Variants in OGDH observed in about 807,000 individuals in gnomAD.
OGDH encodes the protein oxoglutarate dehydrogenase.
In OGDH, 38 loss-of-function variants were observed where a neutral mutation model predicts 116.6. The observed-to-expected ratio is 0.33, with a 90% CI of 0.25 to 0.43. The LOEUF is 0.43. OGDH is among the 20% of genes least tolerant of loss of function. The pLI is 1.00. For synonymous variants in OGDH, 488 were observed against 533.3 expected (o/e 0.92, Z 1.17); for missense variants, 825 against 1,357.2 (o/e 0.61, Z 6.16).
At chr7:44,609,457 C>T (rs1032166638) in intron 1 of OGDH, among the ~76,000 whole-genome samples, 4 of 150,878 alleles carry the variant, frequency 2.7e-5, no homozygotes, top group African/African-American at 9.7e-5. Flanking sequence ...CTGCGGTGAG[C>T]CGAGATCGCG....
At chr7:44,696,669 T>C (rs1788595431) in intron 14 of OGDH, 112 bp downstream of exon 14, 3 of 1,466,636 alleles carry the variant, frequency 2.0e-6, no homozygotes, top group Non-Finnish European at 2.8e-6. Context: ...AGAGACTCCC[T>C]TCCTGCCCTG....
At chr7:44,654,135 A>T (rs1786581378) in intron 4 of OGDH, among the ~76,000 whole-genome samples, 1 of 152,246 alleles carries the variant, frequency 6.6e-6, no homozygotes, top group Non-Finnish European at 1.5e-5. Flanking sequence ...GATTATAGGC[A>T]TGAGCCACCA....
intron 10 of OGDH, among the ~76,000 whole-genome samples, chr7:44,692,006 GTT>G (rs1788386675): frequency 9.1e-6 from 1 of 109,618 alleles, no homozygotes. Flanking sequence ...AAAAAAAAAA[GTT>G]TGATATCCTG....
intron 5 of OGDH, 151 bp from the exon 6 acceptor site, chr7:44,673,636 C>A: frequency 1.3e-6 from 1 of 758,724 alleles, no homozygotes; most frequent in Admixed American, 2.3e-5. Flanking sequence ...GGCACCCACT[C>A]CATCCCATCC....
intron 9 of OGDH, among the ~76,000 whole-genome samples, chr7:44,679,827 A>G (rs1287003753): frequency 6.6e-6 from 1 of 152,206 alleles, no homozygotes; most frequent in Non-Finnish European, 1.5e-5. Flanking sequence ...CAGCCTTCAC[A>G]CTTAAGCTGC....
Position 44,707,604 on chromosome 7 carries a change from T to C in OGDH, c.2819T>C (p.Leu940Pro). Reference protein sequence around the residue: ...IEQLSPFPFDLLLKEVQKYPN... With the variant: ...IEQLSPFPFDPLLKEVQKYPN... ...TAGCTGTCGCCATTCCCCTTTGACCTCCTGCTGAAGGAGGTGCAGAAGTAC... is the reference window on the plus strand; with the variant it reads ...TAGCTGTCGCCATTCCCCTTTGACCCCCTGCTGAAGGAGGTGCAGAAGTAC... The change falls in exon 22 of 23, where the codon CTC becomes CCC. Residue 940 changes from leucine to proline, a missense_variant. Physicochemically the swap from Leu to Pro is moderately conservative, Grantham distance 98 (BLOSUM62 -3). Transcript: ENST00000222673. This position sits in a 1 kb window ranked among gnomAD's most constrained non-coding sequence, Gnocchi z 5.2. 6.2e-7 allele frequency: 1 copy of C among 1,614,024 alleles called. No individual in the cohort carries two copies. Among genetic ancestry groups the C allele is most frequent in the South Asian group, 1.1e-5 (1 of 91,080 alleles).
intron 9 of OGDH, among the ~76,000 whole-genome samples, chr7:44,679,198 G>T (rs1186032778): frequency 1.3e-5 from 2 of 152,190 alleles, no homozygotes; most frequent in African/African-American, 4.8e-5. Flanking sequence ...GACTACAGGT[G>T]CCCTGTCAGC....
Position 44,707,620 on chromosome 7 carries a change from G to A in OGDH, c.2835G>A (p.Val945=), listed in dbSNP as rs754851336. Reference sequence around the variant, plus strand: ...CCTTTGACCTCCTGCTGAAGGAGGTGCAGAAGTACCCCAATGCTGAGCTGG... The same window carrying A: ...CCTTTGACCTCCTGCTGAAGGAGGTACAGAAGTACCCCAATGCTGAGCTGG... ...PFPFDLLLKE[V]QKYPNAELAW... Residue 945 remains valine (V), a synonymous_variant, in exon 22 of 23, where the codon GTG becomes GTA. Transcript: ENST00000222673. The surrounding 1 kb of genome is among the most constrained non-coding windows in gnomAD (Gnocchi z 5.2). The A allele has an allele frequency of 1.2e-6, 2 of 1,614,140 alleles. No homozygotes were observed. The highest frequency in any genetic ancestry group is 1.7e-6 in the Non-Finnish European group (2 of 1,180,034).
chr7:44,700,379 C>T, intron 19 of OGDH, 110 bp downstream of exon 19: 1 of 1,395,202 alleles, frequency 7.2e-7, no homozygotes, highest in Non-Finnish European at 9.8e-7. Context: ...TGGGCACCTG[C>T]AGGGGTAGTG....
chr7:44,681,725 G>A lies in OGDH; in HGVS notation c.1212G>A (p.Met404Ile). 1.9e-6 allele frequency: 3 copies of A among 1,614,112 alleles called. No individual in the cohort carries two copies. The highest frequency in any genetic ancestry group is 2.5e-6 in the Non-Finnish European group (3 of 1,179,982). Residue 404 changes from methionine to isoleucine, a missense_variant, in exon 10 of 23, where the codon ATG (methionine) becomes ATA (isoleucine). Physicochemically the swap from Met to Ile is conservative, Grantham distance 10 (BLOSUM62 1). Transcript: ENST00000222673. ...YCGDTEGKKV[M>I]SILLHGDAAF... ...GTCTCCTTTGGTGTTTACAGGTCAT[G>A]TCCATCCTGTTGCATGGGGATGCTG...
At chr7:44,652,182 C>T (rs1384422296) in intron 4 of OGDH, among the ~76,000 whole-genome samples, 2 of 151,264 alleles carry the variant, frequency 1.3e-5, no homozygotes, top group African/African-American at 4.9e-5. Context: ...GACCTCATTT[C>T]ACTGCAATCT....
intron 4 of OGDH, among the ~76,000 whole-genome samples, chr7:44,659,134 G>A (rs530200733): frequency 5.9e-5 from 9 of 152,150 alleles, no homozygotes; most frequent in East Asian, 5.8e-4. Context: ...CACCACCCCC[G>A]GCCGATTTTT....
At chr7:44,668,204 C>T (rs1408526711) in intron 5 of OGDH, among the ~76,000 whole-genome samples, 2 of 151,912 alleles carry the variant, frequency 1.3e-5, no homozygotes, top group Non-Finnish European at 2.9e-5. Context: ...TTTGGGAGGC[C>T]GAGACAGGTG....
chr7:44,655,152 G>A (rs1441545284), intron 4 of OGDH, among the ~76,000 whole-genome samples: 10 of 151,996 alleles, frequency 6.6e-5, no homozygotes, highest in Non-Finnish European at 1.0e-4. Context: ...GGTTCCTTTC[G>A]AGGCCCTCCC....
At position 44,673,947 on chromosome 7, in the gene OGDH, G is replaced by A. The variant is rs773020965; in HGVS notation, c.788+6G>A. ...AGGCTTGTGCGGTCCACCAGGTATG[G>A]GTCTGGCCCTGGGCCATGGGGCAGA... On this transcript the variant is annotated splice_donor_region_variant and intron_variant, in intron 6 of 22. Transcript: ENST00000222673. 4 of 1,614,166 alleles carry A rather than the reference G, an allele frequency of 2.5e-6. No homozygotes were observed. The South Asian group carries it at 4.4e-5, about 18-fold the overall frequency.
intron 1 of OGDH, among the ~76,000 whole-genome samples, chr7:44,609,338 A>C (rs11770191): frequency 8.1e-6 from 1 of 122,898 alleles, no homozygotes; most frequent in Non-Finnish European, 1.8e-5. Flanking sequence ...CCTCGTCTCT[A>C]CAAAAAAAAA....
At chr7:44,611,751 T>C (rs1262486030) in intron 1 of OGDH, among the ~76,000 whole-genome samples, 1 of 152,014 alleles carries the variant, frequency 6.6e-6, no homozygotes, top group African/African-American at 2.4e-5. Flanking sequence ...AAATCTATGA[T>C]TCATTTAGAC....
At chr7:44,611,131 A>G (rs1784548216) in intron 1 of OGDH, among the ~76,000 whole-genome samples, 1 of 142,062 alleles carries the variant, frequency 7.0e-6, no homozygotes, top group South Asian at 2.2e-4. Flanking sequence ...GCTGGAGTGC[A>G]GTGGCATGAT....
intron 18 of OGDH, 139 bp downstream of exon 18, chr7:44,698,402 G>C (rs772360852): frequency 6.6e-5 from 54 of 820,276 alleles, no homozygotes; most frequent in Non-Finnish European, 1.0e-4. Flanking sequence ...GCTCACGTGA[G>C]TGGACAGGTG....
Sources: gnomAD v4.1 joint callset for allele counts (sites outside exome capture counted in the v4.1 genomes callset) on GRCh38, gnomAD v4.1.1 for gene constraint, Gnocchi (gnomAD v3.1) non-coding constraint, MANE v1.5 for transcripts, NCBI Gene and HGNC (gene_info 2026-07-23, HGNC 2026-07-21) for gene names.